Variants in RHOT1 observed in about 807,000 individuals in gnomAD.
RHOT1 encodes the protein ras homolog family member T1, also known as mitochondrial Rho GTPase 1.
RHOT1 carries 27 observed loss-of-function variants against 95.3 expected under a neutral mutation model. The ratio of observed to expected loss-of-function variants is 0.28; its 90% CI spans 0.21 to 0.39. The LOEUF is 0.39. RHOT1 is among the 10% of genes least tolerant of loss of function. The pLI is 1.00. For synonymous variants in RHOT1, 227 were observed against 263.5 expected, an observed-to-expected ratio of 0.86 and a Z score of 1.34; for missense variants, 578 against 786.7, an observed-to-expected ratio of 0.73 and a Z score of 3.17.
At chr17:32,211,837 G>GT (rs1489012409) in intron 19 of RHOT1, among the ~76,000 whole-genome samples, 1 of 151,890 alleles carries the variant, frequency 6.6e-6, no homozygotes. Context: ...CTGTAGTACT[G>GT]TTTTTTTAGG....
At chr17:32,185,452 G>C (rs965420255) in intron 8 of RHOT1, among the ~76,000 whole-genome samples, 108 of 152,194 alleles carry the variant, frequency 7.1e-4, no homozygotes, top group African/African-American at 2.5e-3. Context: ...CTATCGCCCA[G>C]GCTAGAGTGC....
intron 16 of RHOT1, among the ~76,000 whole-genome samples, chr17:32,205,688 C>A (rs1235823930): frequency 6.6e-6 from 1 of 152,140 alleles, no homozygotes; most frequent in African/African-American, 2.4e-5. Flanking sequence ...GCCTCTAATC[C>A]CAGCACTTTG....
intron 14 of RHOT1, among the ~76,000 whole-genome samples, chr17:32,201,793 T>G (rs986547814): frequency 6.6e-6 from 1 of 152,228 alleles, no homozygotes; most frequent in African/African-American, 2.4e-5. Flanking sequence ...CTTATTTAAC[T>G]ATCCCATAAT....
At chr17:32,151,576 G>C in intron 1 of RHOT1, 1 of 347,588 alleles carries the variant, frequency 2.9e-6, no homozygotes, top group Admixed American at 4.2e-5. Context: ...CTCTCTCAAT[G>C]AACTTTTTAA....
At chr17:32,149,633 A>G (rs192983331) in intron 1 of RHOT1, among the ~76,000 whole-genome samples, 11,207 of 78,794 alleles carry the variant, frequency 0.14, 1,752 homozygotes, top group African/African-American at 0.39. Flanking sequence ...ATATATATAT[A>G]TATGTGTGTG....
chr17:32,200,764 G>A (rs1274130433), intron 13 of RHOT1, among the ~76,000 whole-genome samples, 192 bp from the exon 14 acceptor site: 3 of 148,882 alleles, frequency 2.0e-5, no homozygotes, highest in Admixed American at 1.3e-4. Context: ...ACAAAGTAAG[G>A]CCCTATCTTT....
In RHOT1 at chr17:32,175,956, T is replaced by G. The variant is rs2034970431; in HGVS notation, c.223-6T>G. 6 of 1,540,162 alleles carry G rather than the reference T, an allele frequency of 3.9e-6. No individual in the cohort carries two copies. Among genetic ancestry groups the G allele is most frequent in the South Asian group, 1.3e-5 (1 of 79,192 alleles). On this transcript the variant is annotated splice_polypyrimidine_tract_variant and splice_region_variant and intron_variant, in intron 4 of 19. Coordinates refer to ENST00000545287, the MANE Select transcript of RHOT1 (RefSeq NM_001033566.3). ...GATACGATTAATTTGTTAATTTTTC[T>G]TCTAGGCTAATGTCATCTGTATAGT...
chr17:32,182,492 A>G (rs1567688851), intron 6 of RHOT1, among the ~76,000 whole-genome samples: 1 of 152,128 alleles, frequency 6.6e-6, no homozygotes, highest in Non-Finnish European at 1.5e-5. Flanking sequence ...TCTCAAGAAA[A>G]CAAAAAACAA....
chr17:32,213,505 T>C (rs544734951), intron 19 of RHOT1, among the ~76,000 whole-genome samples: 2 of 152,206 alleles, frequency 1.3e-5, no homozygotes, highest in Non-Finnish European at 2.9e-5. Context: ...ATGAAAAATA[T>C]GTTATTATCC....
intron 1 of RHOT1, among the ~76,000 whole-genome samples, chr17:32,165,242 C>CA (rs1386342150): frequency 1.1e-4 from 16 of 141,380 alleles, no homozygotes; most frequent in African/African-American, 3.4e-4. Flanking sequence ...GAGGCTGAGG[C>CA]AGGAGAATGG....
Position 32,207,074 on chromosome 17 carries a change from A to C in RHOT1, c.1536+45A>C, listed in dbSNP as rs142812068. 4.9e-4 allele frequency: 761 copies of C among 1,554,854 alleles called. 7 individuals are homozygous for C. In the African/African-American group the frequency reaches 9.4e-3, roughly 19 times the overall value. On this transcript the variant is annotated intron_variant, in intron 17 of 19. Transcript: ENST00000545287. Reference sequence around the variant, plus strand: ...TATGACTGAATGTAACTTCATATGGACTTTTTATGGAATTGCAGTGTGGTG... The same window carrying C: ...TATGACTGAATGTAACTTCATATGGCCTTTTTATGGAATTGCAGTGTGGTG...
intron 14 of RHOT1, among the ~76,000 whole-genome samples, chr17:32,202,262 G>A (rs905376222): frequency 2.0e-5 from 3 of 152,152 alleles, no homozygotes; most frequent in African/African-American, 7.2e-5. Context: ...CTATGATACA[G>A]CATTGTTTTC....
At chr17:32,188,050 A>G (rs1326776748) in intron 8 of RHOT1, among the ~76,000 whole-genome samples, 1 of 152,180 alleles carries the variant, frequency 6.6e-6, no homozygotes, top group Admixed American at 6.5e-5. Flanking sequence ...GTTTCAATAG[A>G]GCTTATATGT....
intron 13 of RHOT1, among the ~76,000 whole-genome samples, chr17:32,199,858 T>C (rs2037178164): frequency 1.3e-5 from 2 of 152,196 alleles, no homozygotes; most frequent in African/African-American, 4.8e-5. Context: ...TGCACAATTC[T>C]TACTCTTTCA....
intron 11 of RHOT1, among the ~76,000 whole-genome samples, chr17:32,197,762 G>A (rs896730714): frequency 6.6e-5 from 10 of 151,734 alleles, no homozygotes; most frequent in Admixed American, 2.0e-4. Flanking sequence ...TAGTAGAGAC[G>A]GGGTTTTACC....
chr17:32,173,795 G>GT, intron 2 of RHOT1, 36 bp from the exon 3 acceptor site: 1 of 1,316,100 alleles, frequency 7.6e-7, no homozygotes, highest in Non-Finnish European at 1.1e-6. Flanking sequence ...ATATTCAAAG[G>GT]TGTTTTTTTT....
chr17:32,216,259 A>C (rs73268547), intron 19 of RHOT1, among the ~76,000 whole-genome samples: 7 of 151,796 alleles, frequency 4.6e-5, no homozygotes, highest in Non-Finnish European at 1.5e-5. Context: ...TCATTTTTTG[A>C]TACTCTCAAT....
In RHOT1 at chr17:32,164,522, G is replaced by A. The variant is rs567457450; in HGVS notation, c.38-6521G>A. Among the ~76,000 whole-genome samples the A allele has an allele frequency of 1.9e-4, 29 of 151,906 alleles. No homozygotes were observed. In the South Asian group the frequency reaches 2.5e-3, roughly 13 times the overall value. ...GCTAGAATTACAGGCGTGAGCCACC[G>A]TGCCCAGACTAACATCCCAATTTTT... On this transcript the variant is annotated intron_variant, in intron 1 of 19. Coordinates refer to ENST00000545287, the MANE Select transcript of RHOT1 (RefSeq NM_001033566.3).
chr17:32,150,547 C>T lies in RHOT1; in HGVS notation c.37+7818C>T, dbSNP rs1218088411. On this transcript the variant is annotated intron_variant, in intron 1 of 19. Transcript: ENST00000545287. ...GGGCCAGGTTTGTGTGGGAGATAGG[C>T]CTACAGCTAGACCAGCAAAGGTGCT... 3.2e-6 allele frequency: 5 copies of T among 1,540,942 alleles called. No individual in the cohort carries two copies. The Admixed American group carries it at 8.5e-5, about 26-fold the overall frequency.
Sources: allele counts gnomAD v4.1 joint callset (sites outside exome capture counted in the v4.1 genomes callset), GRCh38; gene constraint gnomAD v4.1.1; transcripts MANE v1.5; gene names NCBI Gene and HGNC (gene_info 2026-07-23, HGNC 2026-07-21).